The following HSD17B2 variants were observed in gnomAD, a reference collection of about 807,000 sequenced individuals.
HSD17B2 encodes the protein 17-beta-hydroxysteroid dehydrogenase type 2.
A neutral mutation model predicts 26.9 loss-of-function variants in HSD17B2; 32 were observed. The ratio of observed to expected loss-of-function variants is 1.19; its 90% CI spans 0.90 to 1.60. The LOEUF (loss-of-function observed/expected upper bound fraction) is 1.60, where lower values mean the gene tolerates loss of function less well. HSD17B2 is among the 40% of genes most tolerant of loss of function. The pLI is 0.00. For missense variants in HSD17B2, 613 were observed against 468.6 expected, an observed-to-expected ratio of 1.31 and a Z score of -2.85; for synonymous variants, 246 against 186.7, an observed-to-expected ratio of 1.32 and a Z score of -2.59.
In HSD17B2 at chr16:82,071,188, T is replaced by C. The variant is rs1347786198; in HGVS notation, c.664+61T>C. The stretch of plus-strand genomic sequence containing the variant: ...CCATCACAAGACATGGCTCATGGCA[T>C]TCTATGTGGGCGAACAAAAATGCAG... On this transcript the variant is annotated intron_variant, in intron 3 of 4. Coordinates refer to ENST00000199936, the MANE Select transcript of HSD17B2 (RefSeq NM_002153.3). 5 of 1,531,890 alleles carry C rather than the reference T, an allele frequency of 3.3e-6. No homozygotes were observed. In the African/African-American group the frequency reaches 5.5e-5, roughly 17 times the overall value. 94.9% of individuals were successfully genotyped at this position (1,531,890 alleles called of 1,614,324 possible).
chr16:82,088,031 T>A (rs948194335), intron 3 of HSD17B2, among the ~76,000 whole-genome samples: 2 of 152,196 alleles, frequency 1.3e-5, no homozygotes, highest in African/African-American at 4.8e-5. Context: ...ACCACAGCGC[T>A]TACCCATAAG....
chr16:82,076,270 T>C (rs532069786), intron 3 of HSD17B2, among the ~76,000 whole-genome samples: 1 of 152,290 alleles, frequency 6.6e-6, no homozygotes, highest in South Asian at 2.1e-4. Flanking sequence ...AATAGACCTA[T>C]AGCTACTGTC....
intron 3 of HSD17B2, among the ~76,000 whole-genome samples, chr16:82,084,297 T>C (rs1904461007): frequency 6.6e-6 from 1 of 152,140 alleles, no homozygotes. Flanking sequence ...TTTAACAGCA[T>C]ATGTGTCCTT....
At position 82,084,752 on chromosome 16, in the gene HSD17B2, A is replaced by T. The variant is rs75051261; in HGVS notation, c.665-6150A>T. ...AGAAGAGTTGAAGATAAACCCCTCT[A>T]AAACAGGTCTCCCTCTGGTGCCCAG... On this transcript the variant is annotated intron_variant, in intron 3 of 4. Coordinates refer to ENST00000199936, the MANE Select transcript of HSD17B2 (RefSeq NM_002153.3). 8.6e-3 allele frequency among the ~76,000 whole-genome samples: 1,305 copies of T among 152,268 alleles called. 14 individuals carry two copies. The highest frequency in any genetic ancestry group is 0.053 in the South Asian group (254 of 4,826).
chr16:82,068,227 C>G lies in HSD17B2; in HGVS notation c.323C>G (p.Thr108Arg), dbSNP rs140926616. 327 of 1,613,984 alleles carry G rather than the reference C, an allele frequency of 2.0e-4. No individual in the cohort carries two copies. Among genetic ancestry groups the G allele is most frequent in the Middle Eastern group, 5.0e-4 (3 of 6,054 alleles). The change falls in exon 2 of 5, where the codon ACG (threonine) becomes AGG (arginine). Residue 108 changes from threonine (T) to arginine (R), a missense_variant. Transcript: ENST00000199936. ...AAGTATCTGGATGAGCTGGGCTTCACGGTATTTGCCGGAGTTTTGAATGAA... is the reference window on the plus strand; with the variant it reads ...AAGTATCTGGATGAGCTGGGCTTCAGGGTATTTGCCGGAGTTTTGAATGAA... ...LCKYLDELGF[T>R]VFAGVLNENG...
intron 1 of HSD17B2, among the ~76,000 whole-genome samples, chr16:82,051,590 G>A (rs1443054379): frequency 6.6e-6 from 1 of 152,066 alleles, no homozygotes; most frequent in Non-Finnish European, 1.5e-5. Flanking sequence ...GTGAGGGGAG[G>A]GGAAGTATCA....
chr16:82,048,340 G>A (rs552029484), intron 1 of HSD17B2, among the ~76,000 whole-genome samples: 2 of 152,216 alleles, frequency 1.3e-5, no homozygotes, highest in East Asian at 3.9e-4. Context: ...AAAATGAGAT[G>A]AGCTGATAGC....
At chr16:82,038,313 T>C (rs886113734) in intron 1 of HSD17B2, among the ~76,000 whole-genome samples, 8 of 152,232 alleles carry the variant, frequency 5.3e-5, no homozygotes, top group Non-Finnish European at 1.2e-4. Flanking sequence ...GCCATTCAAA[T>C]ATTTAAAATG....
At chr16:82,066,839 T>A (rs1914584092) in intron 1 of HSD17B2, among the ~76,000 whole-genome samples, 1 of 152,218 alleles carries the variant, frequency 6.6e-6, no homozygotes, top group Non-Finnish European at 1.5e-5. Context: ...AACTGCTTTG[T>A]CTTATTCCAT....
intron 2 of HSD17B2, among the ~76,000 whole-genome samples, chr16:82,070,130 A>C (rs999708214): frequency 2.0e-5 from 3 of 152,022 alleles, no homozygotes; most frequent in Non-Finnish European, 4.4e-5. Context: ...AACATGTCAA[A>C]TGTTGTTTTT....
intron 2 of HSD17B2, among the ~76,000 whole-genome samples, chr16:82,070,391 C>T (rs192187695): frequency 1.2e-4 from 19 of 152,198 alleles, no homozygotes; most frequent in Admixed American, 2.0e-4. Flanking sequence ...TCTTCCACCT[C>T]GGCTATCCCA....
intron 3 of HSD17B2, among the ~76,000 whole-genome samples, chr16:82,081,382 G>C (rs1286487578): frequency 6.6e-6 from 1 of 151,850 alleles, no homozygotes; most frequent in Non-Finnish European, 1.5e-5. Flanking sequence ...CTCTCTCCCT[G>C]GGCCTTTCAT....
chr16:82,045,091 C>G (rs1280184826), intron 1 of HSD17B2, among the ~76,000 whole-genome samples: 5 of 141,620 alleles, frequency 3.5e-5, no homozygotes, highest in Non-Finnish European at 7.5e-5. Context: ...CCACCGCACT[C>G]CAGCTTGGGT....
At chr16:82,061,053 G>A (rs1204496090) in intron 1 of HSD17B2, among the ~76,000 whole-genome samples, 1 of 152,110 alleles carries the variant, frequency 6.6e-6, no homozygotes, top group Non-Finnish European at 1.5e-5. Context: ...GAGATCAGGA[G>A]TTCAAGACCA....
chr16:82,098,120 T>G lies in HSD17B2; in HGVS notation c.848T>G (p.Ile283Ser). 6.2e-7 allele frequency: 1 copy of G among 1,613,950 alleles called. No homozygotes were observed. Among genetic ancestry groups the G allele is most frequent in the Non-Finnish European group, 8.5e-7 (1 of 1,179,940 alleles). Reference sequence around the variant, plus strand: ...AAGTGGGAAAAGCTGGAGAAGGACATTCTGGACCACCTCCCCGCTGAGGTA... The same window carrying G: ...AAGTGGGAAAAGCTGGAGAAGGACAGTCTGGACCACCTCCCCGCTGAGGTA... The part of the protein sequence containing the change: ...SDKWEKLEKD[I>S]LDHLPAEVQE... Residue 283 changes from isoleucine to serine, a missense_variant, in exon 5 of 5, where the codon ATT (isoleucine) becomes AGT (serine). By Grantham distance (142) the Ile-to-Ser change is moderately radical (BLOSUM62 -2). Transcript: ENST00000199936.
chr16:82,047,611 G>C (rs936762139), intron 1 of HSD17B2, among the ~76,000 whole-genome samples: 3 of 152,158 alleles, frequency 2.0e-5, no homozygotes, highest in African/African-American at 7.2e-5. Flanking sequence ...GTAGGAGACT[G>C]GGGTAGAGGC....
At chr16:82,092,856 G>T (rs1308238968) in intron 4 of HSD17B2, 7 of 152,168 alleles carry the variant, frequency 4.6e-5, no homozygotes, top group African/African-American at 1.4e-4. Context: ...GAGGGAAATG[G>T]TGAATTTGAT....
At chr16:82,090,592 T>A (rs577909652) in intron 3 of HSD17B2, among the ~76,000 whole-genome samples, 169 of 152,260 alleles carry the variant, frequency 1.1e-3, no homozygotes, top group African/African-American at 4.0e-3. Context: ...GTGTTGGGAT[T>A]ACAGGCATAA....
At chr16:82,065,170 T>C (rs1042932126) in intron 1 of HSD17B2, among the ~76,000 whole-genome samples, 3 of 152,078 alleles carry the variant, frequency 2.0e-5, no homozygotes, top group African/African-American at 4.8e-5. Flanking sequence ...AAAGGAAGGA[T>C]TGGAAAGTGC....
Sources: allele counts gnomAD v4.1 joint callset (sites outside exome capture counted in the v4.1 genomes callset), GRCh38; gene constraint gnomAD v4.1.1; transcripts MANE v1.5; gene names NCBI Gene and HGNC (gene_info 2026-07-23, HGNC 2026-07-21).